The following GRIN3A variants were observed in gnomAD, a reference collection of about 807,000 sequenced individuals.
GRIN3A encodes glutamate ionotropic receptor NMDA type subunit 3A.
GRIN3A carries 47 observed loss-of-function variants against 92.4 expected under a neutral mutation model. That is an observed-to-expected ratio of 0.51 (90% confidence interval 0.40 to 0.65). The LOEUF (loss-of-function observed/expected upper bound fraction) is 0.65. Among genes scored for constraint, GRIN3A ranks in the 30% least tolerant of loss-of-function variants. The pLI is 0.00. For synonymous variants in GRIN3A, 527 were observed against 540.6 expected (o/e 0.97, Z 0.35); for missense variants, 1,324 against 1,393.1 (o/e 0.95, Z 0.79).
chr9:101,609,588 T>A (rs1210645077), intron 6 of GRIN3A, among the ~76,000 whole-genome samples: 1 of 152,218 alleles, frequency 6.6e-6, no homozygotes, highest in Non-Finnish European at 1.5e-5. Context: ...TTTATGTTAA[T>A]AATTGTGTTG....
At position 101,606,475 on chromosome 9, in the gene GRIN3A, C is replaced by A. The variant is rs773436716; in HGVS notation, c.2766+6901G>T. 5.9e-5 allele frequency among the ~76,000 whole-genome samples: 9 copies of A among 152,226 alleles called. No individual in the cohort carries two copies. The East Asian group carries it at 1.7e-3, about 29-fold the overall frequency. On this transcript the variant is annotated intron_variant, in intron 6 of 8. Transcript: ENST00000361820. ...TTAGAAAGCCCTCTCCTATTTCTCCCTGGGTTCTAAAAATAGGTCTCTTAA... is the reference window on the plus strand; with the variant it reads ...TTAGAAAGCCCTCTCCTATTTCTCCATGGGTTCTAAAAATAGGTCTCTTAA...
intron 1 of GRIN3A, among the ~76,000 whole-genome samples, chr9:101,715,200 T>TAAAAAAAAAAA (rs5899459): frequency 3.9e-5 from 5 of 127,692 alleles, no homozygotes; most frequent in Non-Finnish European, 4.8e-5. Context: ...ACAAAAATGG[T>TAAAAAAAAAAA]AAAAAAAAAA....
intron 1 of GRIN3A, among the ~76,000 whole-genome samples, chr9:101,699,690 G>A (rs938213854): frequency 6.6e-6 from 1 of 152,116 alleles, no homozygotes; most frequent in African/African-American, 2.4e-5. Context: ...CTATGCATGA[G>A]CCATCACAGC....
intron 6 of GRIN3A, among the ~76,000 whole-genome samples, chr9:101,605,677 G>T (rs1828271660): frequency 6.6e-6 from 1 of 152,198 alleles, no homozygotes; most frequent in Admixed American, 6.5e-5. Flanking sequence ...GATGGGGAAA[G>T]TTCAGATATG....
chr9:101,711,134 T>G (rs1042832146), intron 1 of GRIN3A, among the ~76,000 whole-genome samples: 1 of 152,104 alleles, frequency 6.6e-6, no homozygotes, highest in African/African-American at 2.4e-5. Context: ...TGAAGTGAGG[T>G]GAATGGCATT....
intron 1 of GRIN3A, among the ~76,000 whole-genome samples, chr9:101,692,890 A>T (rs192598604): frequency 6.6e-6 from 1 of 152,316 alleles, no homozygotes; most frequent in Admixed American, 6.5e-5. Flanking sequence ...GACACAGACA[A>T]GCATAAGGTG....
intron 5 of GRIN3A, among the ~76,000 whole-genome samples, chr9:101,617,374 A>C (rs905665920): frequency 4.6e-5 from 7 of 152,072 alleles, no homozygotes; most frequent in African/African-American, 1.7e-4. Context: ...CTTATGATAA[A>C]TCTACATATT....
intron 8 of GRIN3A, among the ~76,000 whole-genome samples, chr9:101,574,293 T>C (rs1827799415): frequency 6.6e-6 from 1 of 152,194 alleles, no homozygotes; most frequent in Admixed American, 6.5e-5. Flanking sequence ...TGATCCTGTT[T>C]CTGAAATACA....
At chr9:101,666,111 T>C (rs1188684038) in intron 3 of GRIN3A, among the ~76,000 whole-genome samples, 1 of 151,906 alleles carries the variant, frequency 6.6e-6, no homozygotes, top group Non-Finnish European at 1.5e-5. Context: ...ACAAATCCTA[T>C]ACACCAACAT....
chr9:101,573,594 T>G (rs1827789408), intron 8 of GRIN3A, 81 bp from the exon 9 acceptor site: 1 of 1,081,072 alleles, frequency 9.3e-7, no homozygotes, highest in Non-Finnish European at 1.4e-6. Flanking sequence ...CCATTTCCTG[T>G]GCAATAATAT....
At chr9:101,723,068 G>A (rs1830034695) in intron 1 of GRIN3A, among the ~76,000 whole-genome samples, 1 of 152,190 alleles carries the variant, frequency 6.6e-6, no homozygotes, top group African/African-American at 2.4e-5. Context: ...GAGGCACGCA[G>A]GGGGAGGTAA....
chr9:101,638,572 T>C (rs979041851), intron 3 of GRIN3A, among the ~76,000 whole-genome samples: 1 of 152,250 alleles, frequency 6.6e-6, no homozygotes, highest in Non-Finnish European at 1.5e-5. Flanking sequence ...CCAACACTAT[T>C]GGTGTTTCCA....
chr9:101,621,130 C>T (rs150234529), intron 5 of GRIN3A, among the ~76,000 whole-genome samples: 4,716 of 151,766 alleles, frequency 0.031, 232 homozygotes, highest in African/African-American at 0.11. Flanking sequence ...ACTAAAACTA[C>T]AAAAATTAGC....
At chr9:101,590,777 A>C (rs916851157) in intron 6 of GRIN3A, among the ~76,000 whole-genome samples, 6 of 152,200 alleles carry the variant, frequency 3.9e-5, no homozygotes, top group African/African-American at 1.4e-4. Context: ...ATCTCTTAAC[A>C]GAAAGAAAGA....
At chr9:101,648,767 C>T (rs1401638812) in intron 3 of GRIN3A, among the ~76,000 whole-genome samples, 1 of 151,914 alleles carries the variant, frequency 6.6e-6, no homozygotes, top group East Asian at 1.9e-4. Context: ...GTAGTATTTC[C>T]CCAAGTTTCA....
chr9:101,737,117 CCTT>C (rs1459812609), intron 1 of GRIN3A, among the ~76,000 whole-genome samples, 161 bp downstream of exon 1: 1 of 152,168 alleles, frequency 6.6e-6, no homozygotes, highest in Non-Finnish European at 1.5e-5. Context: ...CTACTAAGCT[CCTT>C]CTACCTACCA....
At chr9:101,614,636 T>TTTTTG (rs1828416274) in intron 5 of GRIN3A, among the ~76,000 whole-genome samples, 1 of 139,086 alleles carries the variant, frequency 7.2e-6, no homozygotes, top group African/African-American at 2.8e-5. Flanking sequence ...TTTTTTTTTT[T>TTTTTG]GGAGACAGGG....
chr9:101,585,179 T>C (rs1406820780), intron 6 of GRIN3A, among the ~76,000 whole-genome samples: 1 of 152,248 alleles, frequency 6.6e-6, no homozygotes, highest in African/African-American at 2.4e-5. Context: ...AGTTTTCACC[T>C]TATTCATGTA....
chr9:101,664,220 A>C (rs1829210706), intron 3 of GRIN3A, among the ~76,000 whole-genome samples: 1 of 151,946 alleles, frequency 6.6e-6, no homozygotes, highest in South Asian at 2.1e-4. Flanking sequence ...AAATGCTAAA[A>C]TAACATGATT....
Sources: gnomAD v4.1 joint callset for allele counts (sites outside exome capture counted in the v4.1 genomes callset) on GRCh38, gnomAD v4.1.1 for gene constraint, MANE v1.5 for transcripts, NCBI Gene and HGNC (gene_info 2026-07-23, HGNC 2026-07-21) for gene names.